Variants in CADPS2 observed in about 807,000 individuals in gnomAD.
CADPS2 encodes the protein calcium dependent secretion activator 2.
CADPS2 carries 93 observed loss-of-function variants against 172.5 expected under a neutral mutation model. The observed-to-expected ratio is 0.54, with a 90% confidence interval of 0.46 to 0.64. The LOEUF is 0.64. Ranked by LOEUF, CADPS2 falls within the 30% of genes least tolerant of loss-of-function variation. The pLI, the probability that CADPS2 is intolerant of heterozygous loss-of-function variation, is 0.00. For missense variants in CADPS2, 1,420 were observed against 1,565.9 expected, an observed-to-expected ratio of 0.91 and a Z score of 1.57; for synonymous variants, 546 against 555.2, an observed-to-expected ratio of 0.98 and a Z score of 0.23.
chr7:122,584,886 T>C (rs1006430140), intron 6 of CADPS2, among the ~76,000 whole-genome samples: 3 of 152,036 alleles, frequency 2.0e-5, no homozygotes, highest in South Asian at 2.1e-4. Flanking sequence ...TGTAAAATAA[T>C]TGAAATGGGC....
At chr7:122,547,493 CATTCT>C (rs2063747172) in intron 8 of CADPS2, among the ~76,000 whole-genome samples, 2 of 152,100 alleles carry the variant, frequency 1.3e-5, no homozygotes, top group African/African-American at 2.4e-5. Flanking sequence ...ATAATTTCTG[CATTCT>C]ATTCTTTTCT....
chr7:122,824,343 C>T (rs187651479), intron 1 of CADPS2, among the ~76,000 whole-genome samples: 8 of 152,218 alleles, frequency 5.3e-5, no homozygotes, highest in East Asian at 3.9e-4. Context: ...TAACCATTAC[C>T]GCCAACACAA....
intron 1 of CADPS2, among the ~76,000 whole-genome samples, chr7:122,856,814 G>T (rs1166058624): frequency 6.6e-6 from 1 of 152,154 alleles, no homozygotes. Context: ...AACAATAAAA[G>T]ACATCTTTAA....
chr7:122,746,673 A>G (rs1243915827), intron 1 of CADPS2, among the ~76,000 whole-genome samples: 1 of 151,916 alleles, frequency 6.6e-6, no homozygotes, highest in African/African-American at 2.4e-5. Context: ...TCATGTTTTA[A>G]AGTTTACAAA....
intron 1 of CADPS2, among the ~76,000 whole-genome samples, chr7:122,749,981 AAGAG>A (rs1271854593): frequency 1.3e-5 from 2 of 151,918 alleles, no homozygotes; most frequent in Admixed American, 6.6e-5. Flanking sequence ...AAAAAAGAAA[AAGAG>A]AGAGTATGTA....
chr7:122,721,913 G>C (rs1055153553), intron 2 of CADPS2, among the ~76,000 whole-genome samples: 7 of 152,014 alleles, frequency 4.6e-5, no homozygotes, highest in African/African-American at 1.4e-4. Context: ...ATGTAATCCA[G>C]CATATAAACA....
intron 1 of CADPS2, among the ~76,000 whole-genome samples, chr7:122,814,439 G>A (rs1800806404): frequency 6.6e-6 from 1 of 151,898 alleles, no homozygotes; most frequent in South Asian, 2.1e-4. Flanking sequence ...ATATTCTGGA[G>A]GTCAGCAAAC....
intron 1 of CADPS2, among the ~76,000 whole-genome samples, chr7:122,751,638 T>C (rs2092957744): frequency 6.6e-6 from 1 of 152,140 alleles, no homozygotes; most frequent in Admixed American, 6.6e-5. Context: ...ACACGGCACA[T>C]ACAAGTCTCC....
chr7:122,645,824 A>T (rs975467002), intron 3 of CADPS2, among the ~76,000 whole-genome samples: 2 of 149,688 alleles, frequency 1.3e-5, no homozygotes, highest in African/African-American at 4.9e-5. Flanking sequence ...ATATGTATAT[A>T]TATAAAACAA....
chr7:122,838,623 A>C (rs1031574391), intron 1 of CADPS2, among the ~76,000 whole-genome samples: 3 of 152,258 alleles, frequency 2.0e-5, no homozygotes, highest in African/African-American at 4.8e-5. Context: ...AAGCATTCTT[A>C]TAAACCAATA....
intron 1 of CADPS2, among the ~76,000 whole-genome samples, chr7:122,776,384 T>C (rs2093883107): frequency 6.6e-6 from 1 of 152,132 alleles, no homozygotes; most frequent in African/African-American, 2.4e-5. Flanking sequence ...ATTAAACCTA[T>C]TTTTCTTTAT....
intron 1 of CADPS2, among the ~76,000 whole-genome samples, chr7:122,799,717 A>G (rs1021403318): frequency 2.0e-5 from 3 of 152,132 alleles, no homozygotes; most frequent in South Asian, 2.1e-4. Flanking sequence ...GAGTCTGAAC[A>G]AGGAGATTAA....
At chr7:122,803,706 G>T (rs1041543469) in intron 1 of CADPS2, among the ~76,000 whole-genome samples, 1 of 151,884 alleles carries the variant, frequency 6.6e-6, no homozygotes, top group Non-Finnish European at 1.5e-5. Flanking sequence ...TATGTCTGTG[G>T]GATCGGTGGT....
intron 3 of CADPS2, 35 bp from the exon 4 acceptor site, chr7:122,629,363 T>A (rs1489522884): frequency 6.5e-7 from 1 of 1,535,948 alleles, no homozygotes; most frequent in Non-Finnish European, 8.9e-7. Flanking sequence ...CATATGTAAT[T>A]ACTTAATCTA....
chr7:122,320,721 G>GA (rs1379900236), intron 29 of CADPS2, among the ~76,000 whole-genome samples: 1 of 151,988 alleles, frequency 6.6e-6, no homozygotes, highest in Non-Finnish European at 1.5e-5. Context: ...CTTTAATACT[G>GA]AAAAATACAT....
intron 3 of CADPS2, among the ~76,000 whole-genome samples, chr7:122,657,440 G>C (rs1242451841): frequency 1.3e-5 from 2 of 152,292 alleles, no homozygotes; most frequent in East Asian, 3.9e-4. Context: ...CTATCCATGA[G>C]CATGGAATGT....
intron 2 of CADPS2, among the ~76,000 whole-genome samples, chr7:122,666,388 G>A (rs1009241672): frequency 4.3e-5 from 6 of 139,930 alleles, no homozygotes; most frequent in African/African-American, 1.6e-4. Flanking sequence ...CTGTCACCCA[G>A]GCTGGAGTGC....
At chr7:122,668,369 C>T (rs1490182571) in intron 2 of CADPS2, among the ~76,000 whole-genome samples, 12 of 145,504 alleles carry the variant, frequency 8.2e-5, no homozygotes, top group East Asian at 4.1e-4. Flanking sequence ...CATTTAGTTT[C>T]GGTACAGGTC....
chr7:122,639,945 G>T (rs1279942094), intron 3 of CADPS2, among the ~76,000 whole-genome samples: 3 of 152,108 alleles, frequency 2.0e-5, no homozygotes, highest in Non-Finnish European at 4.4e-5. Flanking sequence ...CGAAACTCTT[G>T]CAGGAGTTCC....
Sources: gnomAD v4.1 joint callset for allele counts (sites outside exome capture counted in the v4.1 genomes callset) on GRCh38, gnomAD v4.1.1 for gene constraint, MANE v1.5 for transcripts, NCBI Gene and HGNC (gene_info 2026-07-23, HGNC 2026-07-21) for gene names.